Variants in HYDIN observed in about 807,000 individuals in gnomAD.
HYDIN encodes axonemal central pair apparatus protein HYDIN.
A neutral mutation model predicts 403.9 loss-of-function variants in HYDIN; 132 were observed. The observed-to-expected ratio is 0.33, with a 90% CI of 0.28 to 0.38. HYDIN has a LOEUF of 0.38. HYDIN is among the 10% of genes least tolerant of loss of function. The probability of loss-of-function intolerance (pLI) is 1.00; values close to 1 mark genes in which losing one functional copy is unlikely to be tolerated. For missense variants in HYDIN, 2,827 were observed against 5,009.5 expected, an observed-to-expected ratio of 0.56 and a Z score of 13.15; for synonymous variants, 1,202 against 1,891.7, an observed-to-expected ratio of 0.64 and a Z score of 9.46.
intron 23 of HYDIN, among the ~76,000 whole-genome samples, chr16:70,998,269 GAAAA>G (rs757023734): frequency 4.0e-5 from 6 of 151,714 alleles, no homozygotes; most frequent in Non-Finnish European, 7.4e-5. Context: ...TATATGGAAA[GAAAA>G]TGTCAATATT....
chr16:70,835,994 C>T (rs959155191), intron 77 of HYDIN, among the ~76,000 whole-genome samples, 160 bp from the exon 78 acceptor site: 17 of 152,110 alleles, frequency 1.1e-4, no homozygotes, highest in Non-Finnish European at 2.4e-4. Flanking sequence ...CATTTAAGTG[C>T]CTCAAGTGCC....
intron 1 of HYDIN, among the ~76,000 whole-genome samples, chr16:71,222,169 G>A (rs1053180326): frequency 1.3e-5 from 2 of 152,106 alleles, no homozygotes; most frequent in Non-Finnish European, 2.9e-5. Flanking sequence ...CAGGAATGCA[G>A]GGATGGTTTA....
intron 14 of HYDIN, among the ~76,000 whole-genome samples, chr16:71,067,898 T>C (rs920118630): frequency 5.9e-5 from 9 of 152,058 alleles, no homozygotes; most frequent in Admixed American, 4.6e-4. Context: ...ACATTCTTTA[T>C]TACAGCAGAA....
At chr16:71,148,637 T>C (rs910361593) in intron 7 of HYDIN, among the ~76,000 whole-genome samples, 2 of 151,730 alleles carry the variant, frequency 1.3e-5, no homozygotes, top group Admixed American at 1.3e-4. Flanking sequence ...AGATAAACTG[T>C]ACTTCATCAA....
intron 84 of HYDIN, among the ~76,000 whole-genome samples, chr16:70,813,660 G>T (rs2035649452): frequency 6.6e-6 from 1 of 152,164 alleles, no homozygotes; most frequent in Non-Finnish European, 1.5e-5. Flanking sequence ...ATAATCTATA[G>T]ATTCAATGTA....
Position 70,868,651 on chromosome 16 carries a change from G to C in HYDIN, c.11229C>G (p.Pro3743=). ...CTGTGTGCATGCGGTCATCCCAGTC[G>C]GGGACCTGGTCTGCAGGGAGCTGAA... is the stretch of plus-strand genomic sequence containing the variant. ...IMFQLPADQV[P]DWDDRMHTVK... The change falls in exon 66 of 86, where the codon CCC becomes CCG. Residue 3743 remains proline (P), a synonymous_variant. Coordinates refer to ENST00000393567, the MANE Select transcript of HYDIN (RefSeq NM_001270974.2). 6.2e-7 allele frequency: 1 copy of C among 1,614,110 alleles called. No homozygotes were observed.
In HYDIN at chr16:71,040,841, T is replaced by C. The variant is rs2081264011; in HGVS notation, c.2530-8924A>G. On this transcript the variant is annotated intron_variant, in intron 18 of 85. Coordinates refer to ENST00000393567, the MANE Select transcript of HYDIN (RefSeq NM_001270974.2). ...CCCAAGTGTCATCTGCATTTAAATA[T>C]GCTGCTCTCAGAAAGCGTATCCCCA... Among the ~76,000 whole-genome samples the C allele has an allele frequency of 1.8e-5, 2 of 110,490 alleles. 1 individual carries two copies. The highest frequency in any genetic ancestry group is 3.9e-5 in the Non-Finnish European group (2 of 50,756). 72.5% of individuals were successfully genotyped at this position (110,490 alleles called of 152,430 possible). A position where few individuals can be genotyped will look rare whatever the true frequency, so the allele number is the denominator to read the frequency against.
chr16:71,173,679 T>A (rs925147792), intron 5 of HYDIN, among the ~76,000 whole-genome samples: 2 of 152,178 alleles, frequency 1.3e-5, no homozygotes, highest in African/African-American at 4.8e-5. Flanking sequence ...CCCCTTCTAT[T>A]GTTATACAGG....
chr16:70,961,690 GA>G (rs759482295), intron 38 of HYDIN, among the ~76,000 whole-genome samples: 45 of 152,096 alleles, frequency 3.0e-4, no homozygotes, highest in Non-Finnish European at 5.3e-4. Flanking sequence ...ATCTTAGCAG[GA>G]AAGATTCAGG....
At chr16:70,866,359 A>G (rs1260276865) in intron 66 of HYDIN, 30 bp from the exon 67 acceptor site, 2 of 761,924 alleles carry the variant, frequency 2.6e-6, no homozygotes, top group East Asian at 5.0e-5. Context: ...GTCCTCAGAG[A>G]TGCAGAGCAC....
intron 1 of HYDIN, among the ~76,000 whole-genome samples, chr16:71,199,077 T>C (rs1452506928): frequency 6.6e-6 from 1 of 152,226 alleles, no homozygotes; most frequent in African/African-American, 2.4e-5. Context: ...CCCTGATTAC[T>C]AATGAGACGG....
chr16:71,126,326 A>C (rs1479828812), intron 9 of HYDIN, among the ~76,000 whole-genome samples: 1 of 152,032 alleles, frequency 6.6e-6, no homozygotes, highest in Non-Finnish European at 1.5e-5. Flanking sequence ...GTCGAGGCTG[A>C]AACTTCTGTC....
rs1481442819 is a variant in HYDIN at position 71,014,491 on chromosome 16, T to A, written c.3644+3638A>T. Among the ~76,000 whole-genome samples the A allele has an allele frequency of 3.3e-5, 5 of 151,702 alleles. No homozygotes were observed. The South Asian group carries it at 6.3e-4, about 19-fold the overall frequency. On this transcript the variant is annotated intron_variant, in intron 23 of 85. Transcript: ENST00000393567. ...AGAGATCATGATCCACAGCCTTTGG[T>A]GGCGGGCATGTGACCAGGTCAACCA...
chr16:70,833,118 G>A (rs1399889978), intron 79 of HYDIN, 51 bp from the exon 80 acceptor site: 2 of 1,523,492 alleles, frequency 1.3e-6, no homozygotes, highest in African/African-American at 1.4e-5. Context: ...TGTTGTAAGG[G>A]TGTCCTCAAT....
At position 71,010,333 on chromosome 16, in the gene HYDIN, C is replaced by T. The variant is rs531846691; in HGVS notation, c.3644+7796G>A. 5.9e-5 allele frequency among the ~76,000 whole-genome samples: 9 copies of T among 152,304 alleles called. No individual in the cohort carries two copies. The South Asian group carries it at 1.9e-3, about 32-fold the overall frequency. ...AGAGGTACAAAGCTGGTGAGGAAGA[C>T]AGGATGTTTATGGAAGGGACAAAAG... On this transcript the variant is annotated intron_variant, in intron 23 of 85. Coordinates refer to ENST00000393567, the MANE Select transcript of HYDIN (RefSeq NM_001270974.2).
chr16:70,880,550 C>T (rs541860669), intron 60 of HYDIN, among the ~76,000 whole-genome samples: 18 of 152,240 alleles, frequency 1.2e-4, no homozygotes, highest in African/African-American at 4.1e-4. Flanking sequence ...CAAGGAGTCC[C>T]GGCCACGTGA....
At chr16:70,930,503 C>A (rs1439438970) in intron 45 of HYDIN, among the ~76,000 whole-genome samples, 4 of 151,944 alleles carry the variant, frequency 2.6e-5, no homozygotes, top group Non-Finnish European at 5.9e-5. Context: ...AAAGAAAGAC[C>A]CACCAATCTT....
At chr16:71,116,712 C>G (rs1372616764) in intron 9 of HYDIN, among the ~76,000 whole-genome samples, 1 of 152,004 alleles carries the variant, frequency 6.6e-6, no homozygotes, top group African/African-American at 2.4e-5. Context: ...TACAAGAAAG[C>G]ATTCTTTCAC....
intron 1 of HYDIN, among the ~76,000 whole-genome samples, chr16:71,190,276 A>T (rs1275444684): frequency 1.3e-5 from 2 of 152,052 alleles, no homozygotes. Flanking sequence ...ATCAAGAGCT[A>T]CCAGGGTTGT....
Sources: gnomAD v4.1 joint callset for allele counts (sites outside exome capture counted in the v4.1 genomes callset) on GRCh38, gnomAD v4.1.1 for gene constraint, MANE v1.5 for transcripts, NCBI Gene and HGNC (gene_info 2026-07-23, HGNC 2026-07-21) for gene names.